The following KLHL32 variants were observed in gnomAD, a reference collection of about 807,000 sequenced individuals.
The protein encoded by KLHL32 is kelch-like protein 32.
A neutral mutation model predicts 64.8 loss-of-function variants in KLHL32; 35 were observed. The ratio of observed to expected loss-of-function variants is 0.54; its 90% CI spans 0.41 to 0.72. The LOEUF (loss-of-function observed/expected upper bound fraction) is 0.72. Ranked by LOEUF, KLHL32 falls within the 30% of genes least tolerant of loss-of-function variation. The pLI, the probability that KLHL32 is intolerant of heterozygous loss-of-function variation, is 0.00. For synonymous variants in KLHL32, 259 were observed against 281.0 expected, an observed-to-expected ratio of 0.92 and a Z score of 0.78; for missense variants, 589 against 768.5, an observed-to-expected ratio of 0.77 and a Z score of 2.76.
rs996246502 is a variant in KLHL32 at position 96,924,762 on chromosome 6, C to T, written c.-330C>T. The T allele has an allele frequency of 6.6e-6, 1 of 152,558 alleles. No individual in the cohort carries two copies. The highest frequency in any genetic ancestry group is 2.1e-4 in the South Asian group (1 of 4,830). 9.5% of individuals were successfully genotyped at this position (152,558 alleles called of 1,614,324 possible). Reference sequence around the variant, plus strand: ...GGAGCAGTTTCCCCGCGCGACAGTTCGGGAGCGCGCAGGCAGTCGCGCGCA... The same window carrying T: ...GGAGCAGTTTCCCCGCGCGACAGTTTGGGAGCGCGCAGGCAGTCGCGCGCA... On this transcript the variant is annotated 5_prime_UTR_variant, in exon 1 of 11. Transcript: ENST00000369261.
At chr6:96,974,868 C>G (rs558643224) in intron 2 of KLHL32, among the ~76,000 whole-genome samples, 1 of 152,224 alleles carries the variant, frequency 6.6e-6, no homozygotes, top group Non-Finnish European at 1.5e-5. Flanking sequence ...GAATTACCAA[C>G]ATGGGAGAGA....
intron 3 of KLHL32, among the ~76,000 whole-genome samples, chr6:96,987,191 T>C (rs1228552980): frequency 6.6e-6 from 1 of 152,232 alleles, no homozygotes; most frequent in African/African-American, 2.4e-5. Context: ...TTGAAGGGTT[T>C]TTTGAGTCTC....
In KLHL32 at chr6:97,007,900, G is replaced by T. The variant is rs181194491; in HGVS notation, c.204+31723G>T. 3.4e-3 allele frequency among the ~76,000 whole-genome samples: 511 copies of T among 152,324 alleles called. 6 individuals are homozygous for T. Among genetic ancestry groups the T allele is most frequent in the African/African-American group, 0.012 (481 of 41,572 alleles). On this transcript the variant is annotated intron_variant, in intron 3 of 10. Transcript: ENST00000369261. ...CCCAGTCTGCTGTCCACAACACCCC[G>T]ATGAGGGCTGCCCACTAAATTACTT...
chr6:97,137,335 T>C (rs1042799191), intron 10 of KLHL32, among the ~76,000 whole-genome samples: 1 of 152,066 alleles, frequency 6.6e-6, no homozygotes, highest in African/African-American at 2.4e-5. Context: ...GAGAAAACGT[T>C]TGTATTTAGT....
Position 97,114,094 on chromosome 6 carries a change from T to C in KLHL32, c.939T>C (p.Val313=), listed in dbSNP as rs753630756. The C allele has an allele frequency of 5.0e-6, 8 of 1,614,218 alleles. No individual in the cohort carries two copies. Among genetic ancestry groups the C allele is most frequent in the Non-Finnish European group, 6.8e-6 (8 of 1,180,042 alleles). Residue 313 remains valine, a synonymous_variant, in exon 7 of 11, where the codon GTT becomes GTC. Transcript: ENST00000369261. ...AGGAACTTCGGTACTTCAATCCTGTTGATCAGGAGAATGCTCTCATAGCTG... is the reference window on the plus strand; with the variant it reads ...AGGAACTTCGGTACTTCAATCCTGTCGATCAGGAGAATGCTCTCATAGCTG... ...KVKELRYFNP[V]DQENALIAAI... is the part of the protein sequence containing the mutation.
chr6:97,018,927 C>T (rs576941425), intron 3 of KLHL32, among the ~76,000 whole-genome samples: 2 of 152,236 alleles, frequency 1.3e-5, no homozygotes, highest in East Asian at 3.9e-4. Flanking sequence ...ACTGACAGAT[C>T]ATATAGATTT....
intron 5 of KLHL32, among the ~76,000 whole-genome samples, 190 bp from the exon 6 acceptor site, chr6:97,084,936 A>G (rs1193260827): frequency 6.6e-6 from 1 of 152,140 alleles, no homozygotes; most frequent in Non-Finnish European, 1.5e-5. Context: ...AGGAAAAATT[A>G]TGAATTCTAG....
chr6:96,946,375 G>T (rs996955219), intron 1 of KLHL32, among the ~76,000 whole-genome samples: 1 of 151,864 alleles, frequency 6.6e-6, no homozygotes, highest in Non-Finnish European at 1.5e-5. Flanking sequence ...TTACTTATTT[G>T]CCATGTTTAT....
At chr6:97,129,155 A>G (rs1737135) in intron 8 of KLHL32, among the ~76,000 whole-genome samples, 80,884 of 152,090 alleles carry the variant, frequency 0.53, 22,142 homozygotes, top group African/African-American at 0.65. Flanking sequence ...TCTTGAGTGT[A>G]TCTTTAAAAG....
the KLHL32 span, among the ~76,000 whole-genome samples, chr6:96,901,830 G>T: frequency 6.6e-6 from 1 of 152,194 alleles, no homozygotes; most frequent in African/African-American, 2.4e-5. Flanking sequence ...GTGAGAACAT[G>T]CAGTATTTGG....
chr6:97,030,210 T>C (rs868294872), intron 3 of KLHL32, among the ~76,000 whole-genome samples: 1 of 152,244 alleles, frequency 6.6e-6, no homozygotes. Context: ...CTTTAAAAAG[T>C]CTATCATCTG....
At chr6:97,089,226 G>A (rs1211626858) in intron 6 of KLHL32, among the ~76,000 whole-genome samples, 16 of 152,126 alleles carry the variant, frequency 1.1e-4, no homozygotes, top group Admixed American at 1.0e-3. Context: ...CTCCAAAGTA[G>A]CAGAAACAAG....
chr6:96,941,377 T>C (rs1490083142), intron 1 of KLHL32, among the ~76,000 whole-genome samples: 1 of 152,206 alleles, frequency 6.6e-6, no homozygotes, highest in African/African-American at 2.4e-5. Flanking sequence ...CATTTTGATA[T>C]TTAATTTAAG....
chr6:97,091,949 A>G (rs1479230837), intron 6 of KLHL32, among the ~76,000 whole-genome samples: 1 of 148,852 alleles, frequency 6.7e-6, no homozygotes, highest in Non-Finnish European at 1.5e-5. Flanking sequence ...ATTTTTCATC[A>G]TGTTCCTGCC....
At chr6:96,923,724 A>G (rs1249207331), upstream of KLHL32, among the ~76,000 whole-genome samples, 1 of 152,238 alleles carries the variant, frequency 6.6e-6, no homozygotes. Context: ...AATAGGATTA[A>G]CATACTATCT....
At chr6:96,974,770 A>C (rs1775510922) in intron 2 of KLHL32, among the ~76,000 whole-genome samples, 1 of 152,266 alleles carries the variant, frequency 6.6e-6, no homozygotes, top group Non-Finnish European at 1.5e-5. Context: ...GAGCCCTGCC[A>C]AATAAACCCA....
chr6:97,054,220 G>A (rs1009120129), intron 4 of KLHL32, among the ~76,000 whole-genome samples: 3 of 152,118 alleles, frequency 2.0e-5, no homozygotes, highest in African/African-American at 7.2e-5. Flanking sequence ...GTAAAATAAT[G>A]ATGAGAACAT....
chr6:97,085,139 T>C lies in KLHL32; in HGVS notation c.425T>C (p.Phe142Ser). 1 of 1,613,202 alleles carries C rather than the reference T, an allele frequency of 6.2e-7. No homozygotes were observed. Residue 142 changes from phenylalanine (F) to serine (S), a missense_variant, in exon 6 of 11, where the codon TTT becomes TCT. By Grantham distance (155) the Phe-to-Ser change is radical. Around this residue, in one of 3 missense-constraint regions of KLHL32, gnomAD observed 191 missense variants for 223.3 expected, o/e 0.86. Coordinates refer to ENST00000369261, the MANE Select transcript of KLHL32 (RefSeq NM_052904.4). ...SHYLIQELNS[F>S]NYLDLYRLAD... ...TTTGGCACCCAGGAATTAAATAGCT[T>C]TAATTACTTGGATCTGTACAGACTT...
chr6:96,967,090 C>G lies in KLHL32; in HGVS notation c.23+7C>G, dbSNP rs771591612. The G allele has an allele frequency of 3.7e-6, 6 of 1,613,252 alleles. No individual in the cohort carries two copies. Among genetic ancestry groups the G allele is most frequent in the Non-Finnish European group, 4.2e-6 (5 of 1,179,590 alleles). ...CGTCTGAACGCTGCCTCAGGTATGC[C>G]CTGTAGGATATGTCCTCACATGCCG... On this transcript the variant is annotated splice_region_variant and intron_variant, in intron 2 of 10. Transcript: ENST00000369261.
Sources: gnomAD v4.1 joint callset for allele counts (sites outside exome capture counted in the v4.1 genomes callset) on GRCh38, gnomAD v4.1.1 for gene constraint, gnomAD v4.1.1 regional missense constraint, MANE v1.5 for transcripts, NCBI Gene and HGNC (gene_info 2026-07-23, HGNC 2026-07-21) for gene names.